The following SENP2 variants were observed in gnomAD, a reference collection of about 807,000 sequenced individuals.
SENP2 encodes the protein SUMO specific peptidase 2, also known as sentrin-specific protease 2.
Under a neutral mutation model 86.3 loss-of-function variants are expected in SENP2, and 16 were observed. That is an observed-to-expected ratio of 0.19 (90% confidence interval 0.13 to 0.28). SENP2 has a LOEUF of 0.28. Among genes scored for constraint, SENP2 ranks in the 10% least tolerant of loss-of-function variants. SENP2 has a pLI of 1.00. For missense variants in SENP2, 552 were observed against 703.0 expected, an observed-to-expected ratio of 0.79 and a Z score of 2.43; for synonymous variants, 222 against 238.7, an observed-to-expected ratio of 0.93 and a Z score of 0.64.
chr3:185,598,926 A>G, intron 3 of SENP2, 32 bp from the exon 4 acceptor site: 2 of 1,552,904 alleles, frequency 1.3e-6, no homozygotes, highest in Non-Finnish European at 1.8e-6. Context: ...CAAAATTTAG[A>G]TGCTACAGAA....
At chr3:185,597,812 C>T (rs1347935138) in intron 2 of SENP2, among the ~76,000 whole-genome samples, 3 of 152,058 alleles carry the variant, frequency 2.0e-5, no homozygotes, top group Non-Finnish European at 4.4e-5. Flanking sequence ...CGCCACCACG[C>T]CCAGCTAATT....
chr3:185,589,225 C>T (rs927349059), intron 1 of SENP2, among the ~76,000 whole-genome samples: 5 of 151,906 alleles, frequency 3.3e-5, no homozygotes, highest in African/African-American at 7.3e-5. Flanking sequence ...ATGTAGTTTG[C>T]GTGATAAAAA....
intron 5 of SENP2, among the ~76,000 whole-genome samples, chr3:185,604,060 G>T (rs1224414380): frequency 6.6e-6 from 1 of 152,188 alleles, no homozygotes; most frequent in Middle Eastern, 3.2e-3. Flanking sequence ...GGCGGAGGTT[G>T]TAATGAGCTG....
chr3:185,626,130 A>T (rs1227853687), intron 15 of SENP2, among the ~76,000 whole-genome samples, 168 bp from the exon 16 acceptor site: 1 of 152,236 alleles, frequency 6.6e-6, no homozygotes, highest in African/African-American at 2.4e-5. Flanking sequence ...TATACCACAT[A>T]GAGTAAGAAT....
intron 2 of SENP2, among the ~76,000 whole-genome samples, chr3:185,594,850 C>G (rs1441458901): frequency 6.6e-6 from 1 of 152,036 alleles, no homozygotes; most frequent in Non-Finnish European, 1.5e-5. Context: ...AACTCCTGAC[C>G]TCAAGTGATC....
At chr3:185,619,556 TA>T in intron 13 of SENP2, 54 bp downstream of exon 13, 1 of 1,463,214 alleles carries the variant, frequency 6.8e-7, no homozygotes, top group East Asian at 2.3e-5. Context: ...GGCCATTTTT[TA>T]AAAATAATGC....
At chr3:185,614,796 A>T in intron 11 of SENP2, 56 bp downstream of exon 11, 1 of 1,541,552 alleles carries the variant, frequency 6.5e-7, no homozygotes, top group Non-Finnish European at 8.9e-7. Context: ...AACCTCAGTT[A>T]TTCTAACTTG....
At chr3:185,595,797 ATTT>A (rs1011999597) in intron 2 of SENP2, among the ~76,000 whole-genome samples, 10 of 130,114 alleles carry the variant, frequency 7.7e-5, no homozygotes, top group Admixed American at 7.9e-5. Flanking sequence ...TGAGCCTGAG[ATTT>A]TTTTTTTTTT....
chr3:185,612,438 A>C, intron 8 of SENP2, 169 bp from the exon 9 acceptor site: 3 of 546,788 alleles, frequency 5.5e-6, no homozygotes, highest in Non-Finnish European at 1.0e-5. Context: ...ATATGTATGC[A>C]TTTTTTTAGG....
rs190495305 is a variant in SENP2 at position 185,630,647 on chromosome 3, A to C, written c.*803A>C. ...AATGTGGTGACTTGGCTTAGTCTTC[A>C]AACTGGATTCATGGATTTGAAGTAA... On this transcript the variant is annotated 3_prime_UTR_variant, in exon 17 of 17. Transcript: ENST00000296257. 4.8e-4 allele frequency: 74 copies of C among 152,664 alleles called. No homozygotes were observed. The highest frequency in any genetic ancestry group is 1.6e-3 in the African/African-American group (65 of 41,456). The allele number at this position is 152,664 out of a possible 1,614,324, so 9.5% of individuals were successfully genotyped here.
chr3:185,623,775 C>T (rs899900487), intron 14 of SENP2, among the ~76,000 whole-genome samples: 3 of 137,028 alleles, frequency 2.2e-5, no homozygotes, highest in Non-Finnish European at 4.5e-5. Context: ...TGCAGTGAGC[C>T]GAGATCGCGC....
At position 185,606,391 on chromosome 3, in the gene SENP2, A is replaced by G; in HGVS notation, c.511A>G (p.Asn171Asp). ...RPGGRRHSKG[N>D]PESSLMWKPQ... ...AGGTGGCCGTCGCCATAGCAAAGGT[A>G]ATCCAGAGAGTTCTTTAATGTGGAA... The change falls in exon 6 of 17, where the codon AAT (asparagine) becomes GAT (aspartate). Residue 171 changes from asparagine to aspartate, a missense_variant. By Grantham distance (23) the Asn-to-Asp change is conservative. This residue lies in a region of SENP2 where 383 missense variants were observed against 427.3 expected (regional missense o/e 0.90). Transcript: ENST00000296257. The G allele has an allele frequency of 6.2e-7, 1 of 1,613,766 alleles. No individual in the cohort carries two copies. Among genetic ancestry groups the G allele is most frequent in the Non-Finnish European group, 8.5e-7 (1 of 1,179,910 alleles).
intron 2 of SENP2, 69 bp from the exon 3 acceptor site, chr3:185,598,343 C>T (rs1456375023): frequency 8.0e-6 from 12 of 1,504,538 alleles, no homozygotes; most frequent in Non-Finnish European, 1.1e-5. Context: ...AGGCTCTTTC[C>T]AAGATATCAT....
chr3:185,597,506 C>G (rs759195521), intron 2 of SENP2, among the ~76,000 whole-genome samples: 5 of 151,834 alleles, frequency 3.3e-5, no homozygotes, highest in Non-Finnish European at 7.4e-5. Context: ...TCGTGCACCA[C>G]CATGCCCAGC....
rs755811387 is a variant in SENP2 at position 185,624,059 on chromosome 3, A to G, written c.1588A>G (p.Thr530Ala). The part of the protein sequence containing the change: ...RNSDLNLLEW[T>A]HHSMKPHEIP... ...TAGTGATCTGAATCTTTTAGAGTGG[A>G]CCCATCACAGCATGAAACCACACGT... Residue 530 changes from threonine to alanine, a missense_variant, in exon 15 of 17, where the codon ACC becomes GCC. Around this residue, in one of 2 missense-constraint regions of SENP2, gnomAD observed 169 missense variants for 275.7 expected, o/e 0.61. Coordinates refer to ENST00000296257, the MANE Select transcript of SENP2 (RefSeq NM_021627.3). The G allele has an allele frequency of 6.2e-7, 1 of 1,612,364 alleles. No homozygotes were observed. Among genetic ancestry groups the G allele is most frequent in the Non-Finnish European group, 8.5e-7 (1 of 1,178,944 alleles).
chr3:185,621,786 CATTTAAG>C, intron 13 of SENP2, 33 bp from the exon 14 acceptor site: 1 of 1,215,318 alleles, frequency 8.2e-7, no homozygotes, highest in Non-Finnish European at 1.2e-6. Flanking sequence ...ACTCCTCTTA[CATTTAAG>C]ATGTTTCTGG....
At chr3:185,588,126 C>T (rs1431793614) in intron 1 of SENP2, among the ~76,000 whole-genome samples, 3 of 141,538 alleles carry the variant, frequency 2.1e-5, no homozygotes, top group African/African-American at 5.3e-5. Flanking sequence ...GGCGCGATCT[C>T]GGCTCACTGC....
At chr3:185,598,028 T>C (rs577378043) in intron 2 of SENP2, among the ~76,000 whole-genome samples, 1 of 152,206 alleles carries the variant, frequency 6.6e-6, no homozygotes, top group African/African-American at 2.4e-5. Context: ...TTTTTGTTTT[T>C]CAGAGACAGA....
chr3:185,623,427 C>T (rs987392072), intron 14 of SENP2, among the ~76,000 whole-genome samples: 1 of 152,192 alleles, frequency 6.6e-6, no homozygotes, highest in Non-Finnish European at 1.5e-5. Flanking sequence ...GCGTGAGCCA[C>T]CGCACCCGGC....
Sources: gnomAD v4.1 joint callset for allele counts (sites outside exome capture counted in the v4.1 genomes callset) on GRCh38, gnomAD v4.1.1 for gene constraint, gnomAD v4.1.1 regional missense constraint, MANE v1.5 for transcripts, NCBI Gene and HGNC (gene_info 2026-07-23, HGNC 2026-07-21) for gene names.